KDM2A: variants seen among roughly 807,000 people sequenced by gnomAD.
The protein encoded by KDM2A is lysine demethylase 2A.
A neutral mutation model predicts 137.3 loss-of-function variants in KDM2A; 3 were observed. The observed-to-expected ratio is 0.02, with a 90% confidence interval of 0.01 to 0.06. The LOEUF (loss-of-function observed/expected upper bound fraction) is 0.06, where lower values mean the gene tolerates loss of function less well. Ranked by LOEUF, KDM2A falls within the 10% of genes least tolerant of loss-of-function variation. The pLI is 1.00. For missense variants in KDM2A, 738 were observed against 1,510.6 expected (o/e 0.49, Z 8.48); for synonymous variants, 512 against 541.5 (o/e 0.95, Z 0.76).
intron 15 of KDM2A, among the ~76,000 whole-genome samples, chr11:67,247,063 ATATATATATTT>A (rs1859255364): frequency 4.0e-5 from 1 of 25,018 alleles, no homozygotes; most frequent in Admixed American, 6.7e-4. Flanking sequence ...ATATATATAT[ATATATATATTT>A]TTTTTTTTTT....
Position 67,119,437 on chromosome 11 carries a change from G to C in KDM2A, c.-696G>C, listed in dbSNP as rs1408048992. 6.5e-6 allele frequency: 1 copy of C among 153,746 alleles called. No homozygotes were observed. The highest frequency in any genetic ancestry group is 2.4e-5 in the African/African-American group (1 of 41,440). The allele number at this position is 153,746 out of a possible 1,614,324, so 9.5% of individuals were successfully genotyped here. The stretch of plus-strand genomic sequence containing the variant: ...TTCCTGGGCAGGGGACGCTCCGGGA[G>C]GAGGGGCAACGCCAGGGGGCCCATC... On this transcript the variant is annotated 5_prime_UTR_variant, in exon 1 of 21. Transcript: ENST00000529006.
chr11:67,152,797 GAA>G (rs1484480637), intron 2 of KDM2A, among the ~76,000 whole-genome samples: 1 of 151,924 alleles, frequency 6.6e-6, no homozygotes, highest in African/African-American at 2.4e-5. Flanking sequence ...AGTTCAGTAA[GAA>G]TATTTAAGTT....
Position 67,254,566 on chromosome 11 carries a change from A to G in KDM2A, c.3307+148A>G, listed in dbSNP as rs1859541785. ...CATCTGGACAAGGACATGGATTTCT[A>G]TCCCTTTTTTAACTGATGGGGGACT... On this transcript the variant is annotated intron_variant, in intron 20 of 20. Transcript: ENST00000529006. This position sits in a 1 kb window ranked among gnomAD's most constrained non-coding sequence, Gnocchi z 4.7. 5 of 740,256 alleles carry G rather than the reference A, an allele frequency of 6.8e-6. No homozygotes were observed. Among genetic ancestry groups the G allele is most frequent in the East Asian group, 2.6e-5 (1 of 37,846 alleles). The allele number at this position is 740,256 out of a possible 1,614,324, so 45.9% of individuals were successfully genotyped here.
intron 5 of KDM2A, among the ~76,000 whole-genome samples, chr11:67,195,388 A>AT (rs1857453883): frequency 6.7e-6 from 1 of 149,894 alleles, no homozygotes; most frequent in Non-Finnish European, 1.5e-5. Flanking sequence ...AAAAAAAAAA[A>AT]AAAAAAGTTG....
intron 5 of KDM2A, among the ~76,000 whole-genome samples, chr11:67,192,547 CGATT>C (rs1857384310): frequency 7.0e-6 from 1 of 142,650 alleles, no homozygotes; most frequent in Non-Finnish European, 1.5e-5. Flanking sequence ...CAGGTTCAAG[CGATT>C]CTCCTGCCTC....
chr11:67,235,183 C>T (rs995879142), intron 12 of KDM2A, among the ~76,000 whole-genome samples: 5 of 151,586 alleles, frequency 3.3e-5, no homozygotes, highest in African/African-American at 1.2e-4. Flanking sequence ...GAAGTATTGC[C>T]TTACCGGTAA....
At position 67,182,270 on chromosome 11, in the gene KDM2A, G is replaced by A. The variant is rs376260180; in HGVS notation, c.307+378G>A. Among the ~76,000 whole-genome samples, 24 of 152,262 alleles carry A rather than the reference G, an allele frequency of 1.6e-4. No homozygotes were observed. The East Asian group carries it at 4.1e-3, about 26-fold the overall frequency. On this transcript the variant is annotated intron_variant, in intron 5 of 20. Transcript: ENST00000529006. ...GTAGAGAAATTTCCAGGAAATGCTC[G>A]CCAGTGCTGCATTTGGAAACTTGCC...
chr11:67,195,970 C>T, intron 5 of KDM2A: 2 of 443,630 alleles, frequency 4.5e-6, no homozygotes, highest in Admixed American at 5.5e-5. Context: ...TCTATCAACT[C>T]AAGATGTTGT....
intron 2 of KDM2A, among the ~76,000 whole-genome samples, chr11:67,134,546 C>T (rs1222470096): frequency 6.6e-6 from 1 of 151,860 alleles, no homozygotes; most frequent in Admixed American, 6.6e-5. Context: ...AATCTGTTGC[C>T]GAGGCTGGAA....
intron 5 of KDM2A, among the ~76,000 whole-genome samples, chr11:67,200,834 T>C (rs1857602157): frequency 6.6e-6 from 1 of 152,124 alleles, no homozygotes; most frequent in Non-Finnish European, 1.5e-5. Flanking sequence ...TCATGCCAGA[T>C]AGCAGTATTC....
At chr11:67,188,712 G>T (rs1487131421) in intron 5 of KDM2A, among the ~76,000 whole-genome samples, 1 of 147,248 alleles carries the variant, frequency 6.8e-6, no homozygotes, top group African/African-American at 2.5e-5. Context: ...TGTCACTTGA[G>T]CCTGGCAGGT....
Position 67,230,467 on chromosome 11 carries a change from A to T in KDM2A, c.1085-1099A>T, listed in dbSNP as rs902730626. 9.9e-5 allele frequency among the ~76,000 whole-genome samples: 15 copies of T among 152,082 alleles called. 1 individual carries two copies. Among genetic ancestry groups the T allele is most frequent in the Admixed American group, 3.3e-4 (5 of 15,256 alleles). ...ACATGACCAGACCCTGTCTACAAAA[A>T]TTTTTTAAATTAGCTGAGTGTTGGG... On this transcript the variant is annotated intron_variant, in intron 11 of 20. Transcript: ENST00000529006.
intron 2 of KDM2A, among the ~76,000 whole-genome samples, chr11:67,124,294 G>A (rs576693771): frequency 4.0e-5 from 6 of 151,666 alleles, no homozygotes; most frequent in East Asian, 3.9e-4. Flanking sequence ...GTGAGCCACC[G>A]TGCCCGGCTT....
intron 2 of KDM2A, among the ~76,000 whole-genome samples, chr11:67,151,354 ATTATT>A (rs147426949): frequency 0.033 from 5,063 of 151,968 alleles, 144 homozygotes; most frequent in South Asian, 0.11. Context: ...TATTTTATTT[ATTATT>A]TTATTTTATT....
At chr11:67,210,996 G>T (rs1301000082) in intron 6 of KDM2A, among the ~76,000 whole-genome samples, 1 of 152,150 alleles carries the variant, frequency 6.6e-6, no homozygotes, top group Non-Finnish European at 1.5e-5. Context: ...GGCAGAAGTT[G>T]CAGTGAGCTG....
At chr11:67,122,597 A>G (rs1181946232) in intron 2 of KDM2A, among the ~76,000 whole-genome samples, 1 of 152,062 alleles carries the variant, frequency 6.6e-6, no homozygotes, top group African/African-American at 2.4e-5. Flanking sequence ...TGCTGGGATT[A>G]CAGACGTGAG....
chr11:67,201,748 A>G (rs1857629259), intron 5 of KDM2A, among the ~76,000 whole-genome samples: 1 of 131,020 alleles, frequency 7.6e-6, no homozygotes, highest in Non-Finnish European at 1.6e-5. Context: ...ACTCCAGCCT[A>G]GGCAACAGAG....
chr11:67,134,026 C>T (rs559433661), intron 2 of KDM2A, among the ~76,000 whole-genome samples: 1 of 152,294 alleles, frequency 6.6e-6, no homozygotes, highest in East Asian at 1.9e-4. Context: ...ACTGACCTGT[C>T]CTTGTTGAAG....
At chr11:67,168,826 G>A (rs1856812200) in intron 2 of KDM2A, among the ~76,000 whole-genome samples, 1 of 152,054 alleles carries the variant, frequency 6.6e-6, no homozygotes. Context: ...ATATGTTGTG[G>A]GAGAGCAGAG....
Sources: allele counts gnomAD v4.1 joint callset (sites outside exome capture counted in the v4.1 genomes callset), GRCh38; gene constraint gnomAD v4.1.1; non-coding constraint Gnocchi (gnomAD v3.1); transcripts MANE v1.5; gene names NCBI Gene and HGNC (gene_info 2026-07-23, HGNC 2026-07-21).